ZYG11B: variants seen among roughly 807,000 people sequenced by gnomAD.
ZYG11B encodes the protein zyg-11 family member B, cell cycle regulator.
A neutral mutation model predicts 82.4 loss-of-function variants in ZYG11B; 36 were observed. The observed-to-expected ratio is 0.44, with a 90% CI of 0.33 to 0.58. The LOEUF is 0.58. ZYG11B is among the 20% of genes least tolerant of loss of function. The pLI is 0.02. For missense variants in ZYG11B, 552 were observed against 895.6 expected (o/e 0.62, Z 4.90); for synonymous variants, 303 against 312.8 (o/e 0.97, Z 0.33).
At chr1:52,729,769 G>C (rs1644314646) in intron 1 of ZYG11B, among the ~76,000 whole-genome samples, 1 of 152,138 alleles carries the variant, frequency 6.6e-6, no homozygotes, top group Non-Finnish European at 1.5e-5. Context: ...GAACCCAGGA[G>C]GTGGAGGTTG....
chr1:52,815,075 T>G (rs2149966089), intron 12 of ZYG11B, among the ~76,000 whole-genome samples: 1 of 152,152 alleles, frequency 6.6e-6, no homozygotes, highest in East Asian at 1.9e-4. Flanking sequence ...TGAGAATCGC[T>G]TGAACTTGGG....
At chr1:52,770,092 ATTTTTT>A (rs33953020) in intron 2 of ZYG11B, among the ~76,000 whole-genome samples, 8 of 94,470 alleles carry the variant, frequency 8.5e-5, no homozygotes, top group African/African-American at 3.2e-4. Context: ...ATATATATAT[ATTTTTT>A]TTTTTTTTTC....
At chr1:52,783,886 G>A (rs1411291856) in intron 4 of ZYG11B, among the ~76,000 whole-genome samples, 14,725 of 136,476 alleles carry the variant, frequency 0.11, 1,912 homozygotes, top group East Asian at 0.37. Context: ...GTGTGTATAT[G>A]TACATACACG....
At chr1:52,817,781 A>ATG (rs1645240521) in intron 13 of ZYG11B, among the ~76,000 whole-genome samples, 2 of 21,500 alleles carry the variant, frequency 9.3e-5, no homozygotes, top group South Asian at 2.5e-3. Flanking sequence ...ATATGTGTAT[A>ATG]TATATATATA....
intron 8 of ZYG11B, among the ~76,000 whole-genome samples, chr1:52,797,471 T>C (rs1211911006): frequency 1.5e-4 from 17 of 111,504 alleles, no homozygotes; most frequent in East Asian, 1.5e-3. Flanking sequence ...ATATATATAT[T>C]ATATATGATA....
chr1:52,735,619 C>T (rs1644372606), intron 1 of ZYG11B, among the ~76,000 whole-genome samples: 1 of 152,056 alleles, frequency 6.6e-6, no homozygotes. Context: ...TCACTGCAGC[C>T]TCCGCCTCCC....
At chr1:52,733,024 T>C (rs74733775) in intron 1 of ZYG11B, among the ~76,000 whole-genome samples, 483 of 152,266 alleles carry the variant, frequency 3.2e-3, no homozygotes, top group Non-Finnish European at 5.3e-3. Context: ...TTTCCTTAGA[T>C]AAAGCTCATG....
chr1:52,774,594 A>T, intron 3 of ZYG11B, among the ~76,000 whole-genome samples: 1 of 140,920 alleles, frequency 7.1e-6, no homozygotes, highest in African/African-American at 2.8e-5. Flanking sequence ...GGCGTGAGCC[A>T]CTGTGCCTGG....
chr1:52,799,953 T>TG (rs1191965784), intron 8 of ZYG11B, among the ~76,000 whole-genome samples: 2 of 152,196 alleles, frequency 1.3e-5, no homozygotes, highest in East Asian at 3.9e-4. Flanking sequence ...CAGTTTTCTT[T>TG]GGGGTGATAA....
intron 2 of ZYG11B, among the ~76,000 whole-genome samples, chr1:52,762,071 G>A (rs901928375): frequency 2.0e-5 from 3 of 152,030 alleles, no homozygotes; most frequent in African/African-American, 7.2e-5. Flanking sequence ...TTAATCCCCT[G>A]TCAGCTGAAT....
At chr1:52,746,702 T>TG (rs1164139445) in intron 1 of ZYG11B, among the ~76,000 whole-genome samples, 6 of 142,916 alleles carry the variant, frequency 4.2e-5, no homozygotes, top group Non-Finnish European at 9.1e-5. Flanking sequence ...TTTTTTTTTT[T>TG]TTTTTTTTTT....
chr1:52,782,237 ATT>A, intron 4 of ZYG11B, among the ~76,000 whole-genome samples: 1 of 151,756 alleles, frequency 6.6e-6, no homozygotes, highest in African/African-American at 2.4e-5. Flanking sequence ...GCCTGGCTGA[ATT>A]TTAAAATTTG....
chr1:52,760,586 G>A (rs1644620930), intron 2 of ZYG11B, among the ~76,000 whole-genome samples: 1 of 151,926 alleles, frequency 6.6e-6, no homozygotes, highest in Non-Finnish European at 1.5e-5. Context: ...AATGATATTG[G>A]TAGCAGTCTT....
intron 12 of ZYG11B, among the ~76,000 whole-genome samples, chr1:52,815,450 G>A (rs1380985536): frequency 2.6e-5 from 4 of 152,056 alleles, no homozygotes; most frequent in East Asian, 1.9e-4. Context: ...GTGAGACCCC[G>A]TCTCTACAAA....
chr1:52,804,210 C>T (rs927498568), intron 10 of ZYG11B, among the ~76,000 whole-genome samples: 1 of 152,020 alleles, frequency 6.6e-6, no homozygotes, highest in Non-Finnish European at 1.5e-5. Flanking sequence ...CATCCTACTG[C>T]ACTCCAGCCT....
At chr1:52,781,172 A>G (rs1354001735) in intron 4 of ZYG11B, among the ~76,000 whole-genome samples, 1 of 151,886 alleles carries the variant, frequency 6.6e-6, no homozygotes, top group African/African-American at 2.4e-5. Context: ...TTGTCCTTTA[A>G]CCACTAGAAG....
intron 5 of ZYG11B, among the ~76,000 whole-genome samples, chr1:52,787,288 T>C (rs1308629470): frequency 6.6e-6 from 1 of 152,196 alleles, no homozygotes; most frequent in African/African-American, 2.4e-5. Context: ...TTTTAAAAAA[T>C]GCAGAAGAGT....
chr1:52,808,294 A>G (rs934392695), intron 10 of ZYG11B, among the ~76,000 whole-genome samples: 9 of 152,024 alleles, frequency 5.9e-5, no homozygotes, highest in African/African-American at 1.2e-4. Context: ...AACCCAGGAG[A>G]CGGAGGTTGC....
At chr1:52,733,373 T>C (rs1395912846) in intron 1 of ZYG11B, among the ~76,000 whole-genome samples, 1 of 152,198 alleles carries the variant, frequency 6.6e-6, no homozygotes, top group Non-Finnish European at 1.5e-5. Flanking sequence ...TGTATAGTTT[T>C]TGTGAGGCTG....
Sources: allele counts gnomAD v4.1 joint callset (sites outside exome capture counted in the v4.1 genomes callset), GRCh38; gene constraint gnomAD v4.1.1; transcripts MANE v1.5; gene names NCBI Gene and HGNC (gene_info 2026-07-23, HGNC 2026-07-21).